The following MED27 variants were observed in gnomAD, a reference collection of about 807,000 sequenced individuals.
MED27 encodes the protein mediator complex subunit 27.
Under a neutral mutation model 38.2 loss-of-function variants are expected in MED27, and 30 were observed. The observed-to-expected ratio is 0.79, with a 90% CI of 0.59 to 1.07. The LOEUF is 1.07. Ranked by LOEUF, MED27 falls within the 50% of genes least tolerant of loss-of-function variation. The pLI is 0.00. For missense variants in MED27, 289 were observed against 397.5 expected (o/e 0.73, Z 2.32); for synonymous variants, 122 against 153.5 (o/e 0.79, Z 1.52).
chr9:132,009,183 G>A (rs1194207355), intron 3 of MED27, among the ~76,000 whole-genome samples: 2 of 152,164 alleles, frequency 1.3e-5, no homozygotes, highest in East Asian at 3.8e-4. Context: ...CCAGCACAGT[G>A]CATAGAACCA....
intron 3 of MED27, among the ~76,000 whole-genome samples, chr9:131,971,022 C>G (rs1007555060): frequency 3.3e-5 from 5 of 152,150 alleles, no homozygotes; most frequent in Non-Finnish European, 7.4e-5. Context: ...AACAAGTGTT[C>G]GGGGGTAGAA....
chr9:132,076,459 C>A (rs182641279), intron 2 of MED27, among the ~76,000 whole-genome samples: 1 of 152,064 alleles, frequency 6.6e-6, no homozygotes, highest in East Asian at 1.9e-4. Context: ...TACTAAAACA[C>A]CCTCAAAGAG....
At chr9:132,047,882 C>T (rs1833377194) in intron 2 of MED27, among the ~76,000 whole-genome samples, 1 of 151,916 alleles carries the variant, frequency 6.6e-6, no homozygotes, top group Non-Finnish European at 1.5e-5. Flanking sequence ...AAAACATTTA[C>T]CTAGAAAAAA....
chr9:131,926,950 AG>A (rs1830495135), intron 4 of MED27, among the ~76,000 whole-genome samples: 1 of 152,214 alleles, frequency 6.6e-6, no homozygotes, highest in Non-Finnish European at 1.5e-5. Flanking sequence ...TCTACCTAAT[AG>A]ATCAGTCAAA....
chr9:131,990,456 G>A (rs1373413801), intron 3 of MED27, among the ~76,000 whole-genome samples: 1 of 152,210 alleles, frequency 6.6e-6, no homozygotes, highest in Non-Finnish European at 1.5e-5. Flanking sequence ...ACTGCCATGA[G>A]GGCAGGGATT....
chr9:131,981,150 T>C (rs1831727088), intron 3 of MED27, among the ~76,000 whole-genome samples: 1 of 152,266 alleles, frequency 6.6e-6, no homozygotes, highest in African/African-American at 2.4e-5. Flanking sequence ...ATTTCAGAGC[T>C]GTTGGCTAGA....
chr9:132,032,648 C>T (rs891079104), intron 2 of MED27, among the ~76,000 whole-genome samples: 8 of 152,178 alleles, frequency 5.3e-5, no homozygotes, highest in African/African-American at 1.7e-4. Context: ...TAGCTCTTAA[C>T]TAACTTGAGG....
intron 2 of MED27, among the ~76,000 whole-genome samples, chr9:132,071,683 C>T (rs1234551694): frequency 2.0e-5 from 3 of 151,856 alleles, no homozygotes; most frequent in African/African-American, 4.8e-5. Context: ...AATGAGCACA[C>T]GTGTATACGA....
chr9:132,012,297 C>A (rs938630096), intron 3 of MED27, among the ~76,000 whole-genome samples: 2 of 152,204 alleles, frequency 1.3e-5, no homozygotes, highest in Non-Finnish European at 1.5e-5. Context: ...ACATGAGAAA[C>A]AACAGATAGA....
At chr9:131,955,642 G>A (rs376276055) in intron 3 of MED27, among the ~76,000 whole-genome samples, 1 of 152,338 alleles carries the variant, frequency 6.6e-6, no homozygotes, top group East Asian at 1.9e-4. Flanking sequence ...GCTAGACGAA[G>A]TGGATGTCTT....
intron 4 of MED27, among the ~76,000 whole-genome samples, chr9:131,918,232 G>A (rs1265048904): frequency 6.6e-6 from 1 of 152,200 alleles, no homozygotes; most frequent in Non-Finnish European, 1.5e-5. Flanking sequence ...TAGAAATTAT[G>A]AGTCTGATGA....
At chr9:131,981,013 A>C (rs74448865) in intron 3 of MED27, among the ~76,000 whole-genome samples, 5,926 of 152,212 alleles carry the variant, frequency 0.039, 363 homozygotes, top group African/African-American at 0.13. Context: ...CACACACACA[A>C]AAAAAATTCA....
intron 4 of MED27, among the ~76,000 whole-genome samples, chr9:131,932,830 C>A (rs1001562090): frequency 2.0e-5 from 3 of 152,066 alleles, no homozygotes; most frequent in African/African-American, 7.2e-5. Flanking sequence ...AAACTATAGG[C>A]CAATATTTCT....
chr9:131,908,574 T>C (rs1340231962), intron 4 of MED27, among the ~76,000 whole-genome samples: 5 of 152,168 alleles, frequency 3.3e-5, no homozygotes, highest in African/African-American at 4.8e-5. Flanking sequence ...TCTGTGACCT[T>C]ACCCCCAACC....
intron 4 of MED27, among the ~76,000 whole-genome samples, chr9:131,936,427 G>A (rs1183833181): frequency 6.6e-6 from 1 of 152,196 alleles, no homozygotes; most frequent in East Asian, 1.9e-4. Flanking sequence ...CCACACAGAC[G>A]TTCACTGTGC....
chr9:132,022,979 G>C (rs1371645971), intron 2 of MED27, among the ~76,000 whole-genome samples: 1 of 152,076 alleles, frequency 6.6e-6, no homozygotes, highest in East Asian at 1.9e-4. Context: ...GATTTGGGTG[G>C]GGACACACAG....
chr9:132,064,864 T>C (rs1263806422), intron 2 of MED27, among the ~76,000 whole-genome samples: 1 of 152,162 alleles, frequency 6.6e-6, no homozygotes, highest in Non-Finnish European at 1.5e-5. Context: ...AGCTGAGGCA[T>C]TTAAGGCCAC....
chr9:132,020,119 T>C (rs1832687141), intron 2 of MED27, among the ~76,000 whole-genome samples: 1 of 152,206 alleles, frequency 6.6e-6, no homozygotes, highest in East Asian at 1.9e-4. Flanking sequence ...TGAACCTTCC[T>C]AGCAGTTTTG....
At chr9:132,074,849 T>C (rs539344485) in intron 2 of MED27, among the ~76,000 whole-genome samples, 3 of 152,342 alleles carry the variant, frequency 2.0e-5, no homozygotes, top group South Asian at 4.1e-4. Flanking sequence ...TTATCTGCTA[T>C]AACAGAAATA....
Sources: allele counts gnomAD v4.1 joint callset (sites outside exome capture counted in the v4.1 genomes callset), GRCh38; gene constraint gnomAD v4.1.1; transcripts MANE v1.5; gene names NCBI Gene and HGNC (gene_info 2026-07-23, HGNC 2026-07-21).